The following RCN1 variants were observed in gnomAD, a reference collection of about 807,000 sequenced individuals.
RCN1 encodes the protein reticulocalbin 1, also known as reticulocalbin-1.
In RCN1, 14 loss-of-function variants were observed where a neutral mutation model predicts 34.7. The ratio of observed to expected loss-of-function variants is 0.40; its 90% confidence interval spans 0.27 to 0.63. The LOEUF (loss-of-function observed/expected upper bound fraction) is 0.63. Ranked by LOEUF, RCN1 falls within the 30% of genes least tolerant of loss-of-function variation. The pLI is 0.37. For synonymous variants in RCN1, 125 were observed against 165.5 expected (o/e 0.76, Z 1.88); for missense variants, 326 against 425.1 (o/e 0.77, Z 2.05).
intron 1 of RCN1, among the ~76,000 whole-genome samples, chr11:32,092,002 C>A (rs1355589228): frequency 6.6e-6 from 1 of 152,074 alleles, no homozygotes; most frequent in Non-Finnish European, 1.5e-5. Context: ...CCCTGTAAAT[C>A]TATCGTAAGG....
At chr11:32,091,557 C>A in intron 1 of RCN1, 107 bp downstream of exon 1, 3 of 1,428,758 alleles carry the variant, frequency 2.1e-6, no homozygotes, top group Non-Finnish European at 2.8e-6. Context: ...AAATCGCGCG[C>A]GCGGCCTCGA....
At chr11:32,103,184 C>G (rs1852065799) in intron 4 of RCN1, 97 bp from the exon 5 acceptor site, 1 of 1,096,088 alleles carries the variant, frequency 9.1e-7, no homozygotes. Flanking sequence ...TGGTTGTCGC[C>G]TTTCCTAAAG....
chr11:32,095,622 A>G (rs1163998331), intron 1 of RCN1, among the ~76,000 whole-genome samples: 1 of 152,058 alleles, frequency 6.6e-6, no homozygotes, highest in Non-Finnish European at 1.5e-5. Context: ...GTTAGCCAGG[A>G]TGGTCTGGAT....
intron 5 of RCN1, 88 bp downstream of exon 5, chr11:32,103,568 C>A: frequency 8.8e-7 from 1 of 1,136,000 alleles, no homozygotes; most frequent in Non-Finnish European, 1.3e-6. Flanking sequence ...ATAGCATTGA[C>A]CCATGTGGCC....
In RCN1 at chr11:32,100,590, G is replaced by A. The variant is rs1852026041; in HGVS notation, c.670G>A (p.Asp224Asn). 1 of 1,613,978 alleles carries A rather than the reference G, an allele frequency of 6.2e-7. No homozygotes were observed. Among genetic ancestry groups the A allele is most frequent in the African/African-American group, 1.3e-5 (1 of 74,916 alleles). The change falls in exon 4 of 6, where the codon GAT (aspartate) becomes AAT (asparagine). Residue 224 changes from aspartate to asparagine, a missense_variant. By Grantham distance (23) the Asp-to-Asn change is conservative. Transcript: ENST00000054950. ...DIDKNGDGFV[D>N]QDEYIADMFS... ...CGACAAGAACGGGGATGGGTTTGTG[G>A]ATCAGGATGAGTATATTGGTGAGTA...
chr11:32,103,709 C>A (rs180706848), intron 5 of RCN1, among the ~76,000 whole-genome samples: 2 of 152,182 alleles, frequency 1.3e-5, no homozygotes, highest in South Asian at 4.1e-4. Context: ...CACAGACTTA[C>A]ATTAAGTCAC....
intron 1 of RCN1, among the ~76,000 whole-genome samples, chr11:32,094,866 A>G (rs1851955475): frequency 6.6e-6 from 1 of 152,202 alleles, no homozygotes; most frequent in African/African-American, 2.4e-5. Flanking sequence ...CTTCATCTCC[A>G]TCCTAGCTGC....
At chr11:32,091,538 G>A (rs1851921809) in intron 1 of RCN1, 88 bp downstream of exon 1, 1 of 1,473,790 alleles carries the variant, frequency 6.8e-7, no homozygotes, top group East Asian at 2.7e-5. Flanking sequence ...CACCGCCAAA[G>A]CGAAAGCGAA....
intron 1 of RCN1, among the ~76,000 whole-genome samples, chr11:32,092,508 G>A (rs1851934162): frequency 6.6e-6 from 1 of 152,124 alleles, no homozygotes; most frequent in South Asian, 2.1e-4. Context: ...AAAGCTGGAG[G>A]GTTCTCTTGG....
In RCN1 at chr11:32,091,171, C is replaced by T. The variant is rs1851915657; in HGVS notation, c.-26C>T. 7.1e-7 allele frequency: 1 copy of T among 1,400,962 alleles called. No individual in the cohort carries two copies. The highest frequency in any genetic ancestry group is 2.9e-5 in the East Asian group (1 of 34,126). The allele number at this position is 1,400,962 out of a possible 1,614,324, so 86.8% of individuals were successfully genotyped here. A position where few individuals can be genotyped will look rare whatever the true frequency, so the allele number is the denominator to read the frequency against. ...CTGTTGTCGCTCGCTCAGCGTCTCC[C>T]TCTCGGCCGCCCTCTCCTCGGGACG... On this transcript the variant is annotated 5_prime_UTR_variant, in exon 1 of 6. Transcript: ENST00000054950.
chr11:32,092,568 A>G (rs1381983582), intron 1 of RCN1, among the ~76,000 whole-genome samples: 3 of 152,048 alleles, frequency 2.0e-5, no homozygotes, highest in East Asian at 1.9e-4. Context: ...GTCAGGAACC[A>G]AACCCGGGAA....
chr11:32,091,242 C>G lies in RCN1; in HGVS notation c.46C>G (p.Leu16Val), dbSNP rs771721732. ...RGRRLGLALG[L>V]LLALVLAPRV... ...CCGCCGCCTGGGGTTAGCCCTGGGG[C>G]TGCTGCTGGCGCTGGTGCTGGCGCC... Residue 16 changes from leucine (L) to valine (V), a missense_variant, in exon 1 of 6, where the codon CTG (leucine) becomes GTG (valine). By Grantham distance (32) the Leu-to-Val change is conservative. Coordinates refer to ENST00000054950, the MANE Select transcript of RCN1 (RefSeq NM_002901.4). 1.3e-6 allele frequency: 2 copies of G among 1,530,698 alleles called. No homozygotes were observed. The highest frequency in any genetic ancestry group is 2.0e-5 in the Admixed American group (1 of 49,290). 94.8% of individuals were successfully genotyped at this position (1,530,698 alleles called of 1,614,324 possible).
At position 32,091,214 on chromosome 11, in the gene RCN1, C is replaced by T. The variant is rs757128727; in HGVS notation, c.18C>T (p.Arg6=). ...TCGGGACGATGGCGCGCGGTGGCCG[C>T]GGCCGCCGCCTGGGGTTAGCCCTGG... The part of the protein sequence containing the change: MARGG[R]GRRLGLALGL... The change falls in exon 1 of 6, where the codon CGC becomes CGT. Residue 6 remains arginine, a synonymous_variant. Coordinates refer to ENST00000054950, the MANE Select transcript of RCN1 (RefSeq NM_002901.4). The T allele has an allele frequency of 4.9e-6, 7 of 1,443,032 alleles. No individual in the cohort carries two copies. In the South Asian group the frequency reaches 1.0e-4, roughly 22 times the overall value. The allele number at this position is 1,443,032 out of a possible 1,614,324, so 89.4% of individuals were successfully genotyped here. A position where few individuals can be genotyped will look rare whatever the true frequency, so the allele number is the denominator to read the frequency against.
At chr11:32,093,141 A>G (rs945646104) in intron 1 of RCN1, among the ~76,000 whole-genome samples, 2 of 152,100 alleles carry the variant, frequency 1.3e-5, no homozygotes, top group Admixed American at 6.5e-5. Context: ...GATTTGGAAA[A>G]CTTTATAAGG....
Position 32,104,840 on chromosome 11 carries a change from T to G in RCN1, c.*368T>G, listed in dbSNP as rs879191641. 4 of 188,502 alleles carry G rather than the reference T, an allele frequency of 2.1e-5. 1 individual carries two copies. The South Asian group carries it at 6.2e-4, about 29-fold the overall frequency. 11.7% of individuals were successfully genotyped at this position (188,502 alleles called of 1,614,324 possible). ...GGAGGCAGTAATATGAAGTGACTGCTGTGTATTTTAACTACCAGATTTTTT... is the reference window on the plus strand; with the variant it reads ...GGAGGCAGTAATATGAAGTGACTGCGGTGTATTTTAACTACCAGATTTTTT... On this transcript the variant is annotated 3_prime_UTR_variant, in exon 6 of 6. Transcript: ENST00000054950.
chr11:32,099,094 C>T (rs1045191484), intron 3 of RCN1, among the ~76,000 whole-genome samples: 1 of 151,936 alleles, frequency 6.6e-6, no homozygotes, highest in East Asian at 1.9e-4. Context: ...CCGAGGCAGG[C>T]GGATCATGAG....
chr11:32,091,813 A>C lies in RCN1; in HGVS notation c.254+363A>C, dbSNP rs973198162. 22 of 272,006 alleles carry C rather than the reference A, an allele frequency of 8.1e-5. No individual in the cohort carries two copies. In the Admixed American group the frequency reaches 1.1e-3, roughly 14 times the overall value. 16.8% of individuals were successfully genotyped at this position (272,006 alleles called of 1,614,324 possible). A position where few individuals can be genotyped will look rare whatever the true frequency, so the allele number is the denominator to read the frequency against. ...TCCACAGTGGCCTGTTAGTGCCATG[A>C]GTTCCTCCCCACTCTCTCGCAGTTT... On this transcript the variant is annotated intron_variant, in intron 1 of 5. Transcript: ENST00000054950.
Position 32,097,129 on chromosome 11 carries a change from T to G in RCN1, c.255-15T>G. On this transcript the variant is annotated splice_polypyrimidine_tract_variant and intron_variant, in intron 1 of 5. Coordinates refer to ENST00000054950, the MANE Select transcript of RCN1 (RefSeq NM_002901.4). ...CCTGTGTGTGGGTTTCTTTTTTTTT[T>G]TTTTTGTACTGCAGGAAGATTGTTG... is the stretch of plus-strand genomic sequence containing the variant. 1 of 1,443,940 alleles carries G rather than the reference T, an allele frequency of 6.9e-7. No homozygotes were observed. The highest frequency in any genetic ancestry group is 9.1e-7 in the Non-Finnish European group (1 of 1,102,032). 89.4% of individuals were successfully genotyped at this position (1,443,940 alleles called of 1,614,324 possible).
At chr11:32,094,549 C>A (rs1006527463) in intron 1 of RCN1, among the ~76,000 whole-genome samples, 2 of 152,172 alleles carry the variant, frequency 1.3e-5, no homozygotes, top group South Asian at 2.1e-4. Context: ...GTGTTGAGAA[C>A]AAATGATGAT....
Sources: gnomAD v4.1 joint callset for allele counts (sites outside exome capture counted in the v4.1 genomes callset) on GRCh38, gnomAD v4.1.1 for gene constraint, MANE v1.5 for transcripts, NCBI Gene and HGNC (gene_info 2026-07-23, HGNC 2026-07-21) for gene names.